DNAJA4: variants seen among roughly 807,000 people sequenced by gnomAD.
DNAJA4 encodes the protein dnaJ homolog subfamily A member 4.
DNAJA4 carries 32 observed loss-of-function variants against 39.7 expected under a neutral mutation model. The ratio of observed to expected loss-of-function variants is 0.81; its 90% CI spans 0.61 to 1.08. The LOEUF (loss-of-function observed/expected upper bound fraction) is 1.08, where lower values mean the gene tolerates loss of function less well. DNAJA4 is among the 50% of genes least tolerant of loss of function. DNAJA4 has a pLI of 0.00. For synonymous variants in DNAJA4, 184 were observed against 182.4 expected, an observed-to-expected ratio of 1.01 and a Z score of -0.07; for missense variants, 439 against 505.1, an observed-to-expected ratio of 0.87 and a Z score of 1.25.
At position 78,280,958 on chromosome 15, in the gene DNAJA4, TC is replaced by T. The variant is rs1344660695; in HGVS notation, c.*500del. 2 of 155,986 alleles carry T rather than the reference TC, an allele frequency of 1.3e-5. No homozygotes were observed. Among genetic ancestry groups the T allele is most frequent in the Non-Finnish European group, 2.8e-5 (2 of 70,476 alleles). 9.7% of individuals were successfully genotyped at this position (155,986 alleles called of 1,614,324 possible). On this transcript the variant is annotated 3_prime_UTR_variant, in exon 7 of 7. Transcript: ENST00000394852. ...TAACATTTCTGAGGATTCTAGATGA[TC>T]CTCTTAAAGAATAAAAGCACATCCG... is the stretch of plus-strand genomic sequence containing the variant.
rs373848593 is a variant in DNAJA4, at chr15:78,264,757, A to G, written c.-7A>G. Reference sequence around the variant, plus strand: ...CCGGCCTCGCCCGCCCCCCCCGCAGACACAAGATGGTGAAGGAGACCCAGT... The same window carrying G: ...CCGGCCTCGCCCGCCCCCCCCGCAGGCACAAGATGGTGAAGGAGACCCAGT... On this transcript the variant is annotated 5_prime_UTR_variant, in exon 1 of 7. Coordinates refer to ENST00000394852, the MANE Select transcript of DNAJA4 (RefSeq NM_001130182.2). 3.8e-4 allele frequency: 600 copies of G among 1,581,930 alleles called. No individual in the cohort carries two copies. Among genetic ancestry groups the G allele is most frequent in the Non-Finnish European group, 4.7e-4 (552 of 1,162,758 alleles).
intron 2 of DNAJA4, among the ~76,000 whole-genome samples, chr15:78,272,291 C>T (rs554608199): frequency 9.2e-5 from 14 of 152,100 alleles, no homozygotes; most frequent in Non-Finnish European, 1.8e-4. Flanking sequence ...GAGCCAAGAT[C>T]GCACCACTGC....
chr15:78,264,638 G>GCGGCGA lies in DNAJA4; in HGVS notation c.-124_-119dup. On this transcript the variant is annotated 5_prime_UTR_variant, in exon 1 of 7. Coordinates refer to ENST00000394852, the MANE Select transcript of DNAJA4 (RefSeq NM_001130182.2). Reference sequence around the variant, plus strand: ...GCGGGAGCTACAAGCGGCGGCGGCGGCGGCGACCGTGACCGTGACGCGCGA... The same window carrying GCGGCGA: ...GCGGGAGCTACAAGCGGCGGCGGCGGCGGCGACGGCGACCGTGACCGTGACGCGCGA... 9.8e-7 allele frequency: 1 copy of GCGGCGA among 1,021,286 alleles called. No homozygotes were observed. The highest frequency in any genetic ancestry group is 1.2e-6 in the Non-Finnish European group (1 of 854,020). 63.3% of individuals were successfully genotyped at this position (1,021,286 alleles called of 1,614,324 possible). A position where few individuals can be genotyped will look rare whatever the true frequency, so the allele number is the denominator to read the frequency against.
At chr15:78,265,974 G>A in intron 1 of DNAJA4, 2 of 585,852 alleles carry the variant, frequency 3.4e-6, no homozygotes, top group Non-Finnish European at 6.0e-6. Flanking sequence ...CAACAGTGAT[G>A]GAATATTTAT....
At chr15:78,276,653 G>T (rs1382490883) in intron 5 of DNAJA4, among the ~76,000 whole-genome samples, 3 of 152,278 alleles carry the variant, frequency 2.0e-5, no homozygotes, top group Admixed American at 6.5e-5. Flanking sequence ...GAAGCAGCCT[G>T]GGCCCCAGCA....
intron 5 of DNAJA4, among the ~76,000 whole-genome samples, chr15:78,277,599 C>T (rs559567174): frequency 2.0e-5 from 3 of 152,192 alleles, no homozygotes; most frequent in Non-Finnish European, 2.9e-5. Flanking sequence ...GATGCCCTTA[C>T]GTGGTCACAG....
chr15:78,275,857 C>T (rs2049442842), intron 5 of DNAJA4, 129 bp downstream of exon 5: 2 of 672,898 alleles, frequency 3.0e-6, no homozygotes, highest in Non-Finnish European at 5.0e-6. Flanking sequence ...ATACTTTGTC[C>T]CTTGCATAAA....
upstream of DNAJA4, chr15:78,264,437 C>T (rs746295585): frequency 1.6e-5 from 21 of 1,331,166 alleles, no homozygotes; most frequent in South Asian, 3.5e-4. Context: ...GGGTCTGGGC[C>T]GCGAACCCGC....
chr15:78,267,121 C>T (rs1463641898), intron 1 of DNAJA4, among the ~76,000 whole-genome samples: 7 of 80,076 alleles, frequency 8.7e-5, no homozygotes, highest in African/African-American at 2.9e-4. Flanking sequence ...CTGTGCAGGC[C>T]TTTTGTGAGT....
intron 1 of DNAJA4, chr15:78,265,726 C>T (rs955625033): frequency 1.4e-6 from 1 of 691,146 alleles, no homozygotes; most frequent in East Asian, 2.7e-5. Flanking sequence ...TGCTAACCCT[C>T]CCGTTCCTCC....
intron 2 of DNAJA4, among the ~76,000 whole-genome samples, chr15:78,272,038 G>A (rs2049311991): frequency 6.6e-6 from 1 of 152,202 alleles, no homozygotes; most frequent in South Asian, 2.1e-4. Context: ...TGTCCTTTGA[G>A]CATATCGCCT....
intron 1 of DNAJA4, among the ~76,000 whole-genome samples, chr15:78,267,813 A>AAT (rs1390888725): frequency 6.6e-6 from 1 of 152,034 alleles, no homozygotes; most frequent in African/African-American, 2.4e-5. Context: ...GTTTCCACTT[A>AAT]ATATTTTATT....
intron 2 of DNAJA4, among the ~76,000 whole-genome samples, chr15:78,272,560 C>T (rs2049331591): frequency 6.6e-6 from 1 of 152,222 alleles, no homozygotes; most frequent in South Asian, 2.1e-4. Flanking sequence ...CACCCCCACC[C>T]TGTGGACTGA....
In DNAJA4 at chr15:78,279,304, G is replaced by T; in HGVS notation, c.878-741G>T. 1 of 152,326 alleles carries T rather than the reference G, an allele frequency of 6.6e-6. No individual in the cohort carries two copies. The allele number at this position is 152,326 out of a possible 1,614,324, so 9.4% of individuals were successfully genotyped here. A position where few individuals can be genotyped will look rare whatever the true frequency, so the allele number is the denominator to read the frequency against. ...TCTGTCTTTGTCCATTTTCATCGCT[G>T]AGCTGAAGAGCATGCTTTATCAGAA... On this transcript the variant is annotated intron_variant, in intron 5 of 6. Transcript: ENST00000394852. This position sits in a 1 kb window ranked among gnomAD's most constrained non-coding sequence, Gnocchi z 4.5.
In DNAJA4 at chr15:78,264,597, G is replaced by A; in HGVS notation, c.-167G>A. On this transcript the variant is annotated 5_prime_UTR_variant, in exon 1 of 7. Coordinates refer to ENST00000394852, the MANE Select transcript of DNAJA4 (RefSeq NM_001130182.2). Reference sequence around the variant, plus strand: ...AGCCAGGCGTGGAAGTCGGTCCGGCGCGGGGCGGGGGGCGGGCGGGAGCTA... The same window carrying A: ...AGCCAGGCGTGGAAGTCGGTCCGGCACGGGGCGGGGGGCGGGCGGGAGCTA... The A allele has an allele frequency of 8.6e-7, 1 of 1,159,772 alleles. No individual in the cohort carries two copies. Among genetic ancestry groups the A allele is most frequent in the Non-Finnish European group, 1.1e-6 (1 of 943,302 alleles). The allele number at this position is 1,159,772 out of a possible 1,614,324, so 71.8% of individuals were successfully genotyped here.
intron 1 of DNAJA4, 43 bp from the exon 2 acceptor site, chr15:78,270,454 A>G (rs776970731): frequency 9.4e-6 from 15 of 1,588,902 alleles, no homozygotes; most frequent in Non-Finnish European, 1.2e-5. Context: ...TAACAAAACA[A>G]CTGAAACTTC....
At chr15:78,278,449 C>T in intron 5 of DNAJA4, 1 of 369,422 alleles carries the variant, frequency 2.7e-6, no homozygotes. Context: ...GCCTGCTACA[C>T]CCTAGGCTGT....
In DNAJA4 at chr15:78,280,315, G is replaced by C. The variant is rs200494161; in HGVS notation, c.1049G>C (p.Arg350Pro). Residue 350 changes from arginine (R) to proline (P), a missense_variant, in exon 7 of 7, where the codon CGA becomes CCA. Coordinates refer to ENST00000394852, the MANE Select transcript of DNAJA4 (RefSeq NM_001130182.2). The part of the protein sequence containing the change: ...LPQLEALLPP[R>P]QKVRITDDMD... Reference sequence around the variant, plus strand: ...CAGCTGGAAGCTTTACTCCCTCCTCGACAGAAAGTGAGGATTACAGATGAC... The same window carrying C: ...CAGCTGGAAGCTTTACTCCCTCCTCCACAGAAAGTGAGGATTACAGATGAC... 4.0e-5 allele frequency: 64 copies of C among 1,614,018 alleles called. No individual in the cohort carries two copies. Among genetic ancestry groups the C allele is most frequent in the Middle Eastern group, 1.6e-4 (1 of 6,084 alleles).
chr15:78,266,233 G>T, intron 1 of DNAJA4: 1 of 1,613,676 alleles, frequency 6.2e-7, no homozygotes, highest in East Asian at 2.2e-5. Flanking sequence ...TCAGCAAGCT[G>T]GCTAAAGACA....
Sources: allele counts gnomAD v4.1 joint callset (sites outside exome capture counted in the v4.1 genomes callset), GRCh38; gene constraint gnomAD v4.1.1; non-coding constraint Gnocchi (gnomAD v3.1); transcripts MANE v1.5; gene names NCBI Gene and HGNC (gene_info 2026-07-23, HGNC 2026-07-21).